ADGRL3: variants seen among roughly 807,000 people sequenced by gnomAD.
ADGRL3 encodes the protein adhesion G protein-coupled receptor L3, also known as calcium-independent alpha-latrotoxin receptor 3.
A neutral mutation model predicts 153.5 loss-of-function variants in ADGRL3; 62 were observed. That is an observed-to-expected ratio of 0.40 (90% CI 0.33 to 0.50). ADGRL3 has a LOEUF of 0.50. ADGRL3 is among the 20% of genes least tolerant of loss of function. The probability of loss-of-function intolerance (pLI) is 0.47; values close to 1 mark genes in which losing one functional copy is unlikely to be tolerated. For missense variants in ADGRL3, 1,641 were observed against 1,859.4 expected (o/e 0.88, Z 2.16); for synonymous variants, 710 against 672.5 (o/e 1.06, Z -0.86).
intron 13 of ADGRL3, among the ~76,000 whole-genome samples, chr4:61,918,611 G>A (rs2098754877): frequency 1.3e-5 from 2 of 152,164 alleles, no homozygotes; most frequent in East Asian, 3.9e-4. Flanking sequence ...CTTAAGGAAT[G>A]AGGAGCACCA....
intron 11 of ADGRL3, among the ~76,000 whole-genome samples, chr4:61,904,073 A>G (rs1442286076): frequency 2.6e-5 from 4 of 151,574 alleles, no homozygotes; most frequent in Non-Finnish European, 4.4e-5. Flanking sequence ...CCAGCCTACA[A>G]ATATTTTTAT....
At chr4:61,403,517 G>T (rs928967272) in intron 2 of ADGRL3, among the ~76,000 whole-genome samples, 1 of 152,048 alleles carries the variant, frequency 6.6e-6, no homozygotes, top group Non-Finnish European at 1.5e-5. Context: ...TTGAAGCCCC[G>T]TGCTCCTTCT....
chr4:61,965,267 A>G (rs547192331), intron 17 of ADGRL3, among the ~76,000 whole-genome samples: 2 of 151,948 alleles, frequency 1.3e-5, no homozygotes, highest in Non-Finnish European at 2.9e-5. Context: ...CCAAAGTGCT[A>G]GGATTACAGG....
intron 8 of ADGRL3, among the ~76,000 whole-genome samples, chr4:61,741,996 G>GC (rs1282501117): frequency 2.0e-5 from 3 of 152,304 alleles, no homozygotes; most frequent in South Asian, 4.2e-4. Flanking sequence ...CCTTTCTGTA[G>GC]CCATTTCACT....
At chr4:61,212,845 T>G (rs1740749222) in intron 1 of ADGRL3, among the ~76,000 whole-genome samples, 1 of 151,718 alleles carries the variant, frequency 6.6e-6, no homozygotes, top group Admixed American at 6.6e-5. Flanking sequence ...CTGTCAACAT[T>G]TTTTTTTATG....
chr4:61,773,217 G>T (rs2097106511), intron 8 of ADGRL3, among the ~76,000 whole-genome samples: 1 of 152,134 alleles, frequency 6.6e-6, no homozygotes, highest in African/African-American at 2.4e-5. Context: ...ATCTGCACTA[G>T]CACCAGAGAC....
At chr4:61,210,193 G>A (rs1281486069) in intron 1 of ADGRL3, among the ~76,000 whole-genome samples, 1 of 152,130 alleles carries the variant, frequency 6.6e-6, no homozygotes, top group Non-Finnish European at 1.5e-5. Flanking sequence ...AAAAATGAAT[G>A]AAAAAGTAAA....
intron 6 of ADGRL3, among the ~76,000 whole-genome samples, chr4:61,677,575 C>G (rs1235475282): frequency 6.6e-6 from 1 of 151,916 alleles, no homozygotes; most frequent in Non-Finnish European, 1.5e-5. Context: ...TTCTGACTTT[C>G]CCACTCAAAA....
At chr4:61,875,137 A>G (rs2098468024) in intron 9 of ADGRL3, among the ~76,000 whole-genome samples, 1 of 152,042 alleles carries the variant, frequency 6.6e-6, no homozygotes, top group Non-Finnish European at 1.5e-5. Context: ...CAACACACAA[A>G]ATTGCCTAGT....
At chr4:61,731,728 AG>A (rs2151808159) in intron 7 of ADGRL3, among the ~76,000 whole-genome samples, 1 of 152,252 alleles carries the variant, frequency 6.6e-6, no homozygotes, top group South Asian at 2.1e-4. Flanking sequence ...CATGTGGCTA[AG>A]GATCCCTTTT....
intron 9 of ADGRL3, 117 bp from the exon 10 acceptor site, chr4:61,892,539 C>A (rs2098596224): frequency 2.7e-6 from 2 of 735,254 alleles, no homozygotes; most frequent in Non-Finnish European, 2.3e-6. Flanking sequence ...TTGAAGACTT[C>A]TAGAGCTTTA....
chr4:61,534,019 G>T (rs753259437), intron 4 of ADGRL3, among the ~76,000 whole-genome samples: 41 of 152,008 alleles, frequency 2.7e-4, no homozygotes, highest in Non-Finnish European at 3.1e-4. Context: ...TAAATTATTT[G>T]CCTAGACCAA....
chr4:61,653,961 A>G (rs1419776099), intron 5 of ADGRL3, among the ~76,000 whole-genome samples: 2 of 152,222 alleles, frequency 1.3e-5, no homozygotes, highest in Non-Finnish European at 2.9e-5. Context: ...CAATTAGCCT[A>G]AAAGCTGTTG....
chr4:62,049,558 A>G (rs183917350), intron 25 of ADGRL3, among the ~76,000 whole-genome samples: 25 of 152,316 alleles, frequency 1.6e-4, no homozygotes, highest in African/African-American at 5.8e-4. Flanking sequence ...AAGCATTCTC[A>G]GTAAATATAT....
intron 19 of ADGRL3, among the ~76,000 whole-genome samples, chr4:61,992,550 T>C (rs2150991664): frequency 6.6e-6 from 1 of 152,228 alleles, no homozygotes; most frequent in Admixed American, 6.5e-5. Context: ...CATATGGCAA[T>C]CAAATTAGAA....
At chr4:61,967,721 A>C (rs929558514) in intron 17 of ADGRL3, among the ~76,000 whole-genome samples, 1 of 152,196 alleles carries the variant, frequency 6.6e-6, no homozygotes, top group Non-Finnish European at 1.5e-5. Context: ...ATTTTTAAAC[A>C]CTTACAAGTA....
At chr4:61,478,942 G>A (rs927784003) in intron 2 of ADGRL3, among the ~76,000 whole-genome samples, 1 of 151,942 alleles carries the variant, frequency 6.6e-6, no homozygotes, top group Non-Finnish European at 1.5e-5. Flanking sequence ...AAACTCTTAA[G>A]AGTTTCTTTC....
chr4:61,560,940 G>T (rs899350916), intron 4 of ADGRL3, among the ~76,000 whole-genome samples: 1 of 152,018 alleles, frequency 6.6e-6, no homozygotes, highest in East Asian at 1.9e-4. Context: ...GTAACGGGTC[G>T]CTAATAACTT....
At position 61,508,381 on chromosome 4, in the gene ADGRL3, T is replaced by C. The variant is rs867316695; in HGVS notation, c.56-8934T>C. ...TTCCCTTTAGCTTTATTCACAGCCA[T>C]GTGTTTGACTCTTTTACTATTCTCA... On this transcript the variant is annotated intron_variant, in intron 3 of 26. Transcript: ENST00000683033. Among the ~76,000 whole-genome samples, 3 of 152,336 alleles carry C rather than the reference T, an allele frequency of 2.0e-5. No homozygotes were observed. The South Asian group carries it at 6.2e-4, about 32-fold the overall frequency.
Sources: gnomAD v4.1 joint callset for allele counts (sites outside exome capture counted in the v4.1 genomes callset) on GRCh38, gnomAD v4.1.1 for gene constraint, MANE v1.5 for transcripts, NCBI Gene and HGNC (gene_info 2026-07-23, HGNC 2026-07-21) for gene names.